The following QTMAN variants were observed in gnomAD, a reference collection of about 807,000 sequenced individuals.
The protein encoded by QTMAN is queuosine-tRNA mannosyltransferase, also known as tRNA-queuosine alpha-mannosyltransferase.
the QTMAN span, among the ~76,000 whole-genome samples, chr2:144,043,683 C>T: frequency 2.6e-5 from 4 of 151,098 alleles, no homozygotes; most frequent in South Asian, 8.4e-4. Flanking sequence ...CTCATGCCAA[C>T]ATCTTTTCAC....
the QTMAN span, among the ~76,000 whole-genome samples, chr2:144,210,334 A>T: frequency 6.6e-6 from 1 of 152,196 alleles, no homozygotes; most frequent in Non-Finnish European, 1.5e-5. Flanking sequence ...GTAGACTACA[A>T]ATAGCAAGAA....
the QTMAN span, among the ~76,000 whole-genome samples, chr2:143,965,985 G>A: frequency 1.2e-3 from 185 of 152,304 alleles, 2 homozygotes; most frequent in African/African-American, 4.2e-3. Context: ...GGGATGAATT[G>A]CAAGACCTCT....
the QTMAN span, among the ~76,000 whole-genome samples, chr2:144,264,228 T>C: frequency 6.6e-6 from 1 of 152,074 alleles, no homozygotes; most frequent in Non-Finnish European, 1.5e-5. Flanking sequence ...TATAGTAGGA[T>C]ACAGATAACA....
the QTMAN span, among the ~76,000 whole-genome samples, chr2:143,992,397 C>T: frequency 1.4e-5 from 2 of 145,650 alleles, no homozygotes; most frequent in African/African-American, 2.5e-5. Flanking sequence ...ACAAACACTG[C>T]GGAAGGCCTC....
the QTMAN span, among the ~76,000 whole-genome samples, chr2:144,161,202 T>C: frequency 6.6e-6 from 1 of 152,182 alleles, no homozygotes; most frequent in East Asian, 1.9e-4. Flanking sequence ...TTTCTTGTAT[T>C]TATTTATGAC....
chr2:144,167,558 GATA>G, the QTMAN span, among the ~76,000 whole-genome samples: 1 of 152,116 alleles, frequency 6.6e-6, no homozygotes, highest in East Asian at 1.9e-4. Context: ...CTGTTCTCGT[GATA>G]ATGAGTGAGT....
the QTMAN span, among the ~76,000 whole-genome samples, chr2:144,291,439 C>G: frequency 1.3e-5 from 2 of 152,208 alleles, no homozygotes; most frequent in Non-Finnish European, 2.9e-5. Context: ...TATTCAGGTA[C>G]TCCTTCCATA....
chr2:144,208,643 A>T, the QTMAN span: 2 of 1,613,804 alleles, frequency 1.2e-6, no homozygotes, highest in Non-Finnish European at 1.7e-6. Flanking sequence ...GAGAAATATA[A>T]AGCAGATGTC....
At chr2:144,306,309 C>T in the QTMAN span, among the ~76,000 whole-genome samples, 30 of 152,174 alleles carry the variant, frequency 2.0e-4, no homozygotes, top group Non-Finnish European at 3.7e-4. Flanking sequence ...ACCCTACTCC[C>T]GGGTTAGTCA....
At chr2:144,308,804 A>C in the QTMAN span, among the ~76,000 whole-genome samples, 59 of 152,328 alleles carry the variant, frequency 3.9e-4, 1 homozygote, top group South Asian at 9.9e-3. Flanking sequence ...AGAAAGAAAG[A>C]AAGCACAGAC....
chr2:144,265,553 C>T, the QTMAN span, among the ~76,000 whole-genome samples: 4 of 151,838 alleles, frequency 2.6e-5, no homozygotes, highest in Non-Finnish European at 5.9e-5. Flanking sequence ...AAAAATTAGC[C>T]GGGGGTGGTG....
At chr2:143,975,914 T>C in the QTMAN span, among the ~76,000 whole-genome samples, 1 of 152,330 alleles carries the variant, frequency 6.6e-6, no homozygotes, top group Admixed American at 6.5e-5. Flanking sequence ...ATGTGGCCTA[T>C]CCTAACACAT....
chr2:144,061,817 A>G, the QTMAN span, among the ~76,000 whole-genome samples: 1 of 152,224 alleles, frequency 6.6e-6, no homozygotes, highest in South Asian at 2.1e-4. Context: ...CAAGAGCAGA[A>G]GAGTGGCAGA....
chr2:144,158,875 C>A, the QTMAN span, among the ~76,000 whole-genome samples: 1 of 151,994 alleles, frequency 6.6e-6, no homozygotes. Flanking sequence ...AATTAGGATT[C>A]TTCTGGGAAC....
At chr2:144,220,846 T>A in the QTMAN span, among the ~76,000 whole-genome samples, 1 of 152,254 alleles carries the variant, frequency 6.6e-6, no homozygotes, top group Non-Finnish European at 1.5e-5. Flanking sequence ...AGTTGTTGAA[T>A]TGATCTTGAT....
At chr2:143,945,312 C>A in the QTMAN span, 2 of 152,162 alleles carry the variant, frequency 1.3e-5, no homozygotes, top group Admixed American at 1.3e-4. Context: ...TTCTGGGTGA[C>A]GAGGTAATTT....
chr2:144,133,133 A>ATG, the QTMAN span, among the ~76,000 whole-genome samples: 1 of 44,518 alleles, frequency 2.2e-5, no homozygotes, highest in African/African-American at 1.2e-4. Context: ...ATATATATAT[A>ATG]TATATATATA....
the QTMAN span, among the ~76,000 whole-genome samples, chr2:143,991,602 G>C: frequency 6.7e-6 from 1 of 148,326 alleles, no homozygotes; most frequent in African/African-American, 2.5e-5. Flanking sequence ...TCGTCCGGGA[G>C]GTGAGGGGCG....
the QTMAN span, among the ~76,000 whole-genome samples, chr2:143,983,468 G>GTTTTTTTTTTTTTTTTTTTTTTTTTTTT: frequency 1.7e-5 from 2 of 116,002 alleles, no homozygotes; most frequent in Non-Finnish European, 3.5e-5. Flanking sequence ...CATTTTTGAG[G>GTTTTTTTTTTTTTTTTTTTTTTTTTTTT]TTTTTTTTTT....
Sources: gnomAD v4.1 joint callset for allele counts (sites outside exome capture counted in the v4.1 genomes callset) on GRCh38, gnomAD v4.1.1 for gene constraint, MANE v1.5 for transcripts, NCBI Gene and HGNC (gene_info 2026-07-23, HGNC 2026-07-21) for gene names.